The following ATXN3 variants were observed in gnomAD, a reference collection of about 807,000 sequenced individuals.
ATXN3 encodes ataxin-3.
ATXN3 carries 28 observed loss-of-function variants against 58.2 expected under a neutral mutation model. The ratio of observed to expected loss-of-function variants is 0.48; its 90% CI spans 0.36 to 0.66. The LOEUF is 0.66. Among genes scored for constraint, ATXN3 ranks in the 30% least tolerant of loss-of-function variants. ATXN3 has a pLI of 0.00. For synonymous variants in ATXN3, 113 were observed against 138.5 expected (o/e 0.82, Z 1.29); for missense variants, 321 against 422.1 (o/e 0.76, Z 2.10).
At chr14:92,090,128 T>A (rs2063464663) in intron 5 of ATXN3, among the ~76,000 whole-genome samples, 1 of 152,166 alleles carries the variant, frequency 6.6e-6, no homozygotes, top group African/African-American at 2.4e-5. Flanking sequence ...CACATTTTTT[T>A]AAAAGAGATG....
rs1449150374 is a variant in ATXN3 at position 92,061,144 on chromosome 14, C to T, written c.*3176G>A. 6.6e-6 allele frequency: 1 copy of T among 151,942 alleles called. No individual in the cohort carries two copies. Among genetic ancestry groups the T allele is most frequent in the East Asian group, 1.9e-4 (1 of 5,194 alleles). 9.4% of individuals were successfully genotyped at this position (151,942 alleles called of 1,614,324 possible). A position where few individuals can be genotyped will look rare whatever the true frequency, so the allele number is the denominator to read the frequency against. On this transcript the variant is annotated 3_prime_UTR_variant, in exon 11 of 11. Transcript: ENST00000644486. Reference sequence around the variant, plus strand: ...TCAACTTAATATTAAACAATATGGACTACTGGTAGTTTTGTCTGCAATGAT... The same window carrying T: ...TCAACTTAATATTAAACAATATGGATTACTGGTAGTTTTGTCTGCAATGAT...
At chr14:92,092,091 C>G (rs74071876) in intron 5 of ATXN3, among the ~76,000 whole-genome samples, 1,759 of 141,110 alleles carry the variant, frequency 0.012, 43 homozygotes, top group South Asian at 0.041. Flanking sequence ...TTTCCCGTGC[C>G]TCTCTGTAAC....
intron 6 of ATXN3, among the ~76,000 whole-genome samples, chr14:92,084,800 G>A (rs10138566): frequency 1.3e-5 from 2 of 151,688 alleles, no homozygotes; most frequent in Admixed American, 1.3e-4. Flanking sequence ...GGCTGGTCTC[G>A]AACTCCTGAC....
intron 9 of ATXN3, among the ~76,000 whole-genome samples, chr14:92,080,335 G>C (rs977622891): frequency 2.0e-5 from 3 of 152,118 alleles, no homozygotes; most frequent in Non-Finnish European, 4.4e-5. Context: ...GAGGAATTTT[G>C]CAGGGTTAAT....
chr14:92,097,512 C>T (rs940866946), intron 1 of ATXN3, among the ~76,000 whole-genome samples: 46 of 151,162 alleles, frequency 3.0e-4, no homozygotes, highest in African/African-American at 1.0e-3. Flanking sequence ...AGGTGTGAGC[C>T]GCCACACCTG....
In ATXN3 at chr14:92,063,310, C is replaced by T. The variant is rs2057907671; in HGVS notation, c.*1010G>A. The T allele has an allele frequency of 6.6e-6, 1 of 152,258 alleles. No individual in the cohort carries two copies. The allele number at this position is 152,258 out of a possible 1,614,324, so 9.4% of individuals were successfully genotyped here. A position where few individuals can be genotyped will look rare whatever the true frequency, so the allele number is the denominator to read the frequency against. ...TTCCATGACTCAACTGTAAAGAGAA[C>T]ACAAAGCTCCAGTCATAGGAGAAAA... On this transcript the variant is annotated 3_prime_UTR_variant, in exon 11 of 11. Coordinates refer to ENST00000644486, the MANE Select transcript of ATXN3 (RefSeq NM_004993.6).
chr14:92,073,436 T>C (rs1415498192), intron 9 of ATXN3: 1 of 151,754 alleles, frequency 6.6e-6, no homozygotes, highest in African/African-American at 2.4e-5. Context: ...TCAGGCACAG[T>C]GGCTTGCGCC....
intron 1 of ATXN3, among the ~76,000 whole-genome samples, chr14:92,048,978 G>T (rs945288191): frequency 2.0e-5 from 3 of 152,134 alleles, no homozygotes; most frequent in African/African-American, 7.2e-5. Context: ...TGGATCTGAG[G>T]CACCTCAGAC....
Position 92,082,405 on chromosome 14 carries a change from C to T in ATXN3, c.670G>A (p.Glu224Lys), listed in dbSNP as rs377574592. Residue 224 changes from glutamate to lysine, a missense_variant, in exon 8 of 11, where the codon GAA becomes AAA. Transcript: ENST00000644486. ...GCCCTCTGCAAATCCTCCTCATCTT[C>T]GTCTAACATTCCTGAGCCATCATTT... is the stretch of plus-strand genomic sequence containing the variant. Reference protein sequence around the residue: ...EANDGSGMLDEDEEDLQRALA... With the variant: ...EANDGSGMLDKDEEDLQRALA... 152 of 1,614,018 alleles carry T rather than the reference C, an allele frequency of 9.4e-5. No homozygotes were observed. The highest frequency in any genetic ancestry group is 1.2e-4 in the Non-Finnish European group (141 of 1,180,014).
chr14:92,050,108 A>G (rs1289341120), upstream of ATXN3, among the ~76,000 whole-genome samples: 1 of 151,664 alleles, frequency 6.6e-6, no homozygotes, highest in African/African-American at 2.4e-5. Flanking sequence ...GATGTCTTGG[A>G]TGTGCTTCAA....
At position 92,061,343 on chromosome 14, in the gene ATXN3, A is replaced by G. The variant is rs1213661224; in HGVS notation, c.*2977T>C. 1 of 152,196 alleles carries G rather than the reference A, an allele frequency of 6.6e-6. No homozygotes were observed. Among genetic ancestry groups the G allele is most frequent in the East Asian group, 1.9e-4 (1 of 5,198 alleles). 9.4% of individuals were successfully genotyped at this position (152,196 alleles called of 1,614,324 possible). ...AGAGTTTACCTGCAGCAGCCTTTTCAAACAGTTTATATTACTGAAATATTT... is the reference window on the plus strand; with the variant it reads ...AGAGTTTACCTGCAGCAGCCTTTTCGAACAGTTTATATTACTGAAATATTT... On this transcript the variant is annotated 3_prime_UTR_variant, in exon 11 of 11. Coordinates refer to ENST00000644486, the MANE Select transcript of ATXN3 (RefSeq NM_004993.6).
rs1313840363 is a variant in ATXN3 at position 92,093,389 on chromosome 14, T to A, written c.321-71A>T. The stretch of plus-strand genomic sequence containing the variant: ...ATTTATGTTGTCTACTGGCAAATAT[T>A]ATATAAAATTTGTGATAATTTAAGA... On this transcript the variant is annotated intron_variant, in intron 4 of 10. Coordinates refer to ENST00000644486, the MANE Select transcript of ATXN3 (RefSeq NM_004993.6). 4 of 769,044 alleles carry A rather than the reference T, an allele frequency of 5.2e-6. No individual in the cohort carries two copies. In the Admixed American group the frequency reaches 1.2e-4, roughly 23 times the overall value. 47.6% of individuals were successfully genotyped at this position (769,044 alleles called of 1,614,324 possible).
rs78530327 is a variant in ATXN3 at position 92,063,815 on chromosome 14, G to A, written c.*505C>T. The A allele has an allele frequency of 6.0e-3, 909 of 152,514 alleles. 7 individuals carry two copies. Among genetic ancestry groups the A allele is most frequent in the African/African-American group, 0.02 (848 of 41,540 alleles). 9.4% of individuals were successfully genotyped at this position (152,514 alleles called of 1,614,324 possible). On this transcript the variant is annotated 3_prime_UTR_variant, in exon 11 of 11. Transcript: ENST00000644486. Reference sequence around the variant, plus strand: ...CTGGAGCACACGGTATACAGTTGAAGGGAGAACTGTTCATCCTTCTAGAAC... The same window carrying A: ...CTGGAGCACACGGTATACAGTTGAAAGGAGAACTGTTCATCCTTCTAGAAC...
At chr14:92,071,206 G>A (rs777319844) in intron 9 of ATXN3, 153 bp from the exon 10 acceptor site, 1 of 1,198,098 alleles carries the variant, frequency 8.3e-7, no homozygotes, top group Admixed American at 2.0e-5. Context: ...GTCTGATACA[G>A]ATTACTTTAA....
intron 10 of ATXN3, among the ~76,000 whole-genome samples, chr14:92,069,047 G>A (rs79316375): frequency 0.019 from 2,859 of 150,294 alleles, 54 homozygotes; most frequent in South Asian, 0.081. Flanking sequence ...TAGGCAGTTT[G>A]TAATTTTGGG....
chr14:92,089,749 T>C (rs138526455), intron 5 of ATXN3, among the ~76,000 whole-genome samples: 1 of 152,384 alleles, frequency 6.6e-6, no homozygotes, highest in African/African-American at 2.4e-5. Context: ...TTAATAGCTA[T>C]AATTAAATCT....
chr14:92,063,905 A>T lies in ATXN3; in HGVS notation c.*415T>A, dbSNP rs965117753. ...CTGAAAGGTTAATTTGGTTAATAAG[A>T]AATGAAAGCCACTATTACATGATGT... On this transcript the variant is annotated 3_prime_UTR_variant, in exon 11 of 11. Transcript: ENST00000644486. The T allele has an allele frequency of 6.4e-6, 1 of 155,916 alleles. No individual in the cohort carries two copies. Among genetic ancestry groups the T allele is most frequent in the African/African-American group, 2.4e-5 (1 of 41,462 alleles). 9.7% of individuals were successfully genotyped at this position (155,916 alleles called of 1,614,324 possible). A position where few individuals can be genotyped will look rare whatever the true frequency, so the allele number is the denominator to read the frequency against.
chr14:92,092,459 G>A (rs56397248), intron 5 of ATXN3, among the ~76,000 whole-genome samples: 18,196 of 152,134 alleles, frequency 0.12, 1,170 homozygotes, highest in African/African-American at 0.17. Context: ...GTAGACGTAC[G>A]TATTACATGG....
chr14:92,056,445 GA>G (rs1187716744), downstream of ATXN3, among the ~76,000 whole-genome samples: 1 of 152,160 alleles, frequency 6.6e-6, no homozygotes, highest in Non-Finnish European at 1.5e-5. Context: ...TTAAAAAGAA[GA>G]AAATTTGGAC....
Sources: allele counts gnomAD v4.1 joint callset (sites outside exome capture counted in the v4.1 genomes callset), GRCh38; gene constraint gnomAD v4.1.1; transcripts MANE v1.5; gene names NCBI Gene and HGNC (gene_info 2026-07-23, HGNC 2026-07-21).